CCDC112: variants seen among roughly 807,000 people sequenced by gnomAD.
CCDC112 encodes coiled-coil domain-containing protein 112.
In CCDC112, 40 loss-of-function variants were observed where a neutral mutation model predicts 66.3. The ratio of observed to expected loss-of-function variants is 0.60; its 90% CI spans 0.47 to 0.79. The LOEUF is 0.79. Among genes scored for constraint, CCDC112 ranks in the 30% least tolerant of loss-of-function variants. The pLI is 0.00. For missense variants in CCDC112, 659 were observed against 603.8 expected (o/e 1.09, Z -0.96); for synonymous variants, 214 against 197.2 (o/e 1.09, Z -0.71).
chr5:115,295,813 A>C, intron 1 of CCDC112: 1 of 827,982 alleles, frequency 1.2e-6, no homozygotes, highest in Non-Finnish European at 1.5e-6. Context: ...GGGAAAAATA[A>C]AACCAGAAAC....
intron 9 of CCDC112, 122 bp from the exon 10 acceptor site, chr5:115,268,040 G>C (rs1748818804): frequency 2.8e-6 from 2 of 718,820 alleles, no homozygotes; most frequent in East Asian, 2.7e-5. Context: ...TGTTTGGCTG[G>C]TTCATATGGG....
chr5:115,272,516 G>T (rs559273417), intron 6 of CCDC112, among the ~76,000 whole-genome samples: 31 of 152,278 alleles, frequency 2.0e-4, no homozygotes, highest in African/African-American at 7.0e-4. Flanking sequence ...GCACAGTGTT[G>T]TTATGAAGAT....
chr5:115,293,081 G>A (rs186585185), intron 1 of CCDC112, among the ~76,000 whole-genome samples: 66 of 152,280 alleles, frequency 4.3e-4, no homozygotes, highest in Admixed American at 2.0e-3. Context: ...AGGACATTAC[G>A]CTAAGTGAAA....
At chr5:115,288,155 A>G (rs550321381) in intron 1 of CCDC112, among the ~76,000 whole-genome samples, 2 of 152,022 alleles carry the variant, frequency 1.3e-5, no homozygotes, top group African/African-American at 4.8e-5. Flanking sequence ...TAATTTTTGT[A>G]TTTTTAGTAG....
chr5:115,287,271 G>A (rs1749713970), intron 1 of CCDC112, among the ~76,000 whole-genome samples: 1 of 152,138 alleles, frequency 6.6e-6, no homozygotes, highest in Non-Finnish European at 1.5e-5. Flanking sequence ...AGTCCATAAT[G>A]ACTAATGATG....
At chr5:115,276,256 T>C (rs1440633924) in intron 4 of CCDC112, among the ~76,000 whole-genome samples, 187 bp from the exon 5 acceptor site, 2 of 152,214 alleles carry the variant, frequency 1.3e-5, no homozygotes, top group Non-Finnish European at 2.9e-5. Context: ...ATTTTCCCTA[T>C]ATACTCATAT....
intron 2 of CCDC112, chr5:115,280,529 A>T (rs1008025687): frequency 6.6e-6 from 1 of 152,034 alleles, no homozygotes; most frequent in Non-Finnish European, 1.5e-5. Context: ...AACTTTTTTG[A>T]TTGGGCAAAG....
intron 1 of CCDC112, among the ~76,000 whole-genome samples, chr5:115,294,345 T>C (rs1048689624): frequency 6.6e-6 from 1 of 152,210 alleles, no homozygotes; most frequent in Non-Finnish European, 1.5e-5. Context: ...CCTAATTTGA[T>C]AGAACTAGTG....
At chr5:115,270,447 A>G (rs1244431775) in intron 7 of CCDC112, among the ~76,000 whole-genome samples, 1 of 152,112 alleles carries the variant, frequency 6.6e-6, no homozygotes, top group African/African-American at 2.4e-5. Flanking sequence ...TTCTGCCAGT[A>G]TGTCTTTATT....
chr5:115,295,765 TA>T, intron 1 of CCDC112: 1 of 366,898 alleles, frequency 2.7e-6, no homozygotes, highest in Non-Finnish European at 3.8e-6. Context: ...ACAATAGAAA[TA>T]AAGTATGTAA....
At chr5:115,285,127 T>C (rs1165113301) in intron 1 of CCDC112, among the ~76,000 whole-genome samples, 1 of 152,234 alleles carries the variant, frequency 6.6e-6, no homozygotes, top group Non-Finnish European at 1.5e-5. Context: ...AAATGTTAAA[T>C]ATCCAGGGAT....
chr5:115,290,041 T>A (rs1749856273), intron 1 of CCDC112, among the ~76,000 whole-genome samples: 1 of 152,254 alleles, frequency 6.6e-6, no homozygotes, highest in Admixed American at 6.5e-5. Flanking sequence ...AGTCTTTGGC[T>A]ACTTGTGCTT....
chr5:115,267,801 T>A lies in CCDC112; in HGVS notation c.*75A>T, dbSNP rs1240974189. Reference sequence around the variant, plus strand: ...GACTAAGCTATTGATATTTAAAGAATGTGGTTAGTCACTCTCTCCCTGGTA... The same window carrying A: ...GACTAAGCTATTGATATTTAAAGAAAGTGGTTAGTCACTCTCTCCCTGGTA... On this transcript the variant is annotated 3_prime_UTR_variant, in exon 10 of 10. Transcript: ENST00000379611. 2.4e-5 allele frequency: 27 copies of A among 1,104,786 alleles called. No homozygotes were observed. Among genetic ancestry groups the A allele is most frequent in the Non-Finnish European group, 3.2e-5 (23 of 718,268 alleles). The allele number at this position is 1,104,786 out of a possible 1,614,324, so 68.4% of individuals were successfully genotyped here.
intron 2 of CCDC112, among the ~76,000 whole-genome samples, chr5:115,283,826 C>G (rs1167062397): frequency 5.3e-5 from 8 of 152,020 alleles, no homozygotes; most frequent in African/African-American, 2.4e-5. Context: ...CAAATTGATA[C>G]TATGTAGGTT....
rs1374696989 is a variant in CCDC112 at position 115,287,694 on chromosome 5, TCC to T, written c.118-2788_118-2787del. Among the ~76,000 whole-genome samples, 4 of 115,206 alleles carry T rather than the reference TCC, an allele frequency of 3.5e-5. No individual in the cohort carries two copies. The Admixed American group carries it at 4.1e-4, about 12-fold the overall frequency. The allele number at this position is 115,206 out of a possible 152,430, so 75.6% of individuals were successfully genotyped here. On this transcript the variant is annotated intron_variant, in intron 1 of 9. Transcript: ENST00000379611. ...TAAACAGATGTTAACCAATCCCCTT[TCC>T]TTTTTTTTTTTTTTTTTTTTTTTAA...
chr5:115,273,669 A>G (rs572850814), intron 6 of CCDC112, among the ~76,000 whole-genome samples: 2 of 152,316 alleles, frequency 1.3e-5, no homozygotes, highest in African/African-American at 4.8e-5. Flanking sequence ...TCTTTTTCCT[A>G]AAGAGGTGGT....
At chr5:115,285,389 G>A (rs1339993455) in intron 1 of CCDC112, among the ~76,000 whole-genome samples, 3 of 152,124 alleles carry the variant, frequency 2.0e-5, no homozygotes, top group Admixed American at 1.3e-4. Flanking sequence ...TGGAGAAAGC[G>A]GAGAAAGGGT....
intron 3 of CCDC112, 86 bp downstream of exon 3, chr5:115,279,559 TAC>T: frequency 7.7e-7 from 1 of 1,292,718 alleles, no homozygotes; most frequent in Non-Finnish European, 1.1e-6. Context: ...GAGAACACAA[TAC>T]AGTCAATGCA....
At chr5:115,269,216 T>C (rs143559177) in intron 8 of CCDC112, among the ~76,000 whole-genome samples, 1 of 152,212 alleles carries the variant, frequency 6.6e-6, no homozygotes, top group Non-Finnish European at 1.5e-5. Flanking sequence ...TTCTTTTAGT[T>C]CTATTATTTT....
Sources: gnomAD v4.1 joint callset for allele counts (sites outside exome capture counted in the v4.1 genomes callset) on GRCh38, gnomAD v4.1.1 for gene constraint, MANE v1.5 for transcripts, NCBI Gene and HGNC (gene_info 2026-07-23, HGNC 2026-07-21) for gene names.